Variants in TRERF1 observed in about 807,000 individuals in gnomAD.
TRERF1 encodes transcriptional-regulating factor 1.
In TRERF1, 27 loss-of-function variants were observed where a neutral mutation model predicts 122.9. The observed-to-expected ratio is 0.22, with a 90% CI of 0.16 to 0.30. The LOEUF is 0.30. Among genes scored for constraint, TRERF1 ranks in the 10% least tolerant of loss-of-function variants. The pLI, the probability that TRERF1 is intolerant of heterozygous loss-of-function variation, is 1.00. For synonymous variants in TRERF1, 636 were observed against 641.7 expected (o/e 0.99, Z 0.13); for missense variants, 1,248 against 1,560.3 (o/e 0.80, Z 3.37).
intron 3 of TRERF1, among the ~76,000 whole-genome samples, chr6:42,325,123 C>T (rs895635809): frequency 1.1e-4 from 16 of 152,284 alleles, no homozygotes; most frequent in Non-Finnish European, 2.1e-4. Flanking sequence ...CAAAGGAAGA[C>T]ATACAAGTGG....
At chr6:42,451,465 G>A (rs1209849763) in intron 1 of TRERF1, among the ~76,000 whole-genome samples, 2 of 151,354 alleles carry the variant, frequency 1.3e-5, no homozygotes, top group Non-Finnish European at 2.9e-5. Context: ...GGAAGCTTTG[G>A]GTTTCCAAAG....
In TRERF1 at chr6:42,311,156, G is replaced by A. The variant is rs182904434; in HGVS notation, c.-370-10407C>T. Among the ~76,000 whole-genome samples, 561 of 152,302 alleles carry A rather than the reference G, an allele frequency of 3.7e-3. 3 individuals carry two copies. The highest frequency in any genetic ancestry group is 0.012 in the African/African-American group (511 of 41,568). On this transcript the variant is annotated intron_variant, in intron 3 of 17. Coordinates refer to ENST00000372922, the Ensembl canonical transcript of TRERF1. ...TTTGTGGAGCAGATAGTCTAGTGGA[G>A]GAGAATAACAATATACAAGTAAGCA...
At chr6:42,445,648 C>T (rs1787381040) in intron 2 of TRERF1, among the ~76,000 whole-genome samples, 1 of 152,112 alleles carries the variant, frequency 6.6e-6, no homozygotes, top group Non-Finnish European at 1.5e-5. Flanking sequence ...TCTCAGGAAA[C>T]AGCACCACCA....
chr6:42,417,853 G>A (rs1460992144), intron 2 of TRERF1, among the ~76,000 whole-genome samples: 14 of 152,162 alleles, frequency 9.2e-5, no homozygotes, highest in Admixed American at 8.5e-4. Context: ...GGCTAGCTGC[G>A]CCAAGAACTC....
intron 2 of TRERF1, among the ~76,000 whole-genome samples, chr6:42,401,723 G>A (rs1029204956): frequency 1.1e-4 from 16 of 152,092 alleles, no homozygotes; most frequent in Admixed American, 2.6e-4. Context: ...GCCCAACCCC[G>A]CCCCACCTGC....
chr6:42,317,283 A>G (rs1762655115), intron 3 of TRERF1, among the ~76,000 whole-genome samples: 1 of 152,112 alleles, frequency 6.6e-6, no homozygotes, highest in African/African-American at 2.4e-5. Context: ...TTGTCTGTGC[A>G]GGAGGAAGGA....
chr6:42,415,427 T>C (rs1455064919), intron 2 of TRERF1, among the ~76,000 whole-genome samples: 2 of 152,218 alleles, frequency 1.3e-5, no homozygotes, highest in African/African-American at 4.8e-5. Flanking sequence ...TTATAGCTTC[T>C]GGGATTTGTG....
chr6:42,443,447 T>C (rs1299684009), intron 2 of TRERF1, among the ~76,000 whole-genome samples: 1 of 152,146 alleles, frequency 6.6e-6, no homozygotes. Flanking sequence ...AATGACTGCT[T>C]TTAGGTAGAT....
Position 42,268,097 on chromosome 6 carries a change from T to C in TRERF1, c.1437+57A>G. 1 of 1,392,182 alleles carries C rather than the reference T, an allele frequency of 7.2e-7. No homozygotes were observed. The highest frequency in any genetic ancestry group is 9.4e-7 in the Non-Finnish European group (1 of 1,068,782). The allele number at this position is 1,392,182 out of a possible 1,614,324, so 86.2% of individuals were successfully genotyped here. ...GGAGAGAGGATTGAGCACTGCAGACTCAGCCCTGACCCTGTAGCACACTGG... is the reference window on the plus strand; with the variant it reads ...GGAGAGAGGATTGAGCACTGCAGACCCAGCCCTGACCCTGTAGCACACTGG... On this transcript the variant is annotated intron_variant, in intron 5 of 17. Coordinates refer to ENST00000372922, the Ensembl canonical transcript of TRERF1. The surrounding 1 kb of genome is among the most constrained non-coding windows in gnomAD (Gnocchi z 4.4).
intron 2 of TRERF1, among the ~76,000 whole-genome samples, chr6:42,418,216 T>G (rs1431283343): frequency 6.9e-5 from 4 of 57,782 alleles, no homozygotes; most frequent in African/African-American, 2.1e-4. Flanking sequence ...TCTTTTTCTT[T>G]CCTTTTTTTT....
intron 2 of TRERF1, among the ~76,000 whole-genome samples, chr6:42,431,051 C>A (rs1582190090): frequency 6.9e-6 from 1 of 144,786 alleles, no homozygotes. Flanking sequence ...CAGAGCAAGA[C>A]TCAGTCTCAA....
chr6:42,425,357 A>G (rs442020), intron 2 of TRERF1, among the ~76,000 whole-genome samples: 2 of 148,130 alleles, frequency 1.4e-5, no homozygotes, highest in East Asian at 2.0e-4. Context: ...GACAGCCCCC[A>G]ACCAACCCCC....
chr6:42,441,872 G>T (rs953826253), intron 2 of TRERF1, among the ~76,000 whole-genome samples: 2 of 152,096 alleles, frequency 1.3e-5, no homozygotes, highest in African/African-American at 2.4e-5. Flanking sequence ...AAGGGCAGCA[G>T]GAGCCCAGGA....
At chr6:42,233,763 G>A (rs1771388804) in intron 16 of TRERF1, among the ~76,000 whole-genome samples, 1 of 152,160 alleles carries the variant, frequency 6.6e-6, no homozygotes, top group South Asian at 2.1e-4. Context: ...AATTGCGCCT[G>A]TTTGCTCAGC....
At chr6:42,274,189 C>T (rs1780746577) in intron 4 of TRERF1, among the ~76,000 whole-genome samples, 1 of 152,178 alleles carries the variant, frequency 6.6e-6, no homozygotes, top group South Asian at 2.1e-4. Context: ...GAAACTCAGG[C>T]TGTGGCTCAG....
At chr6:42,408,039 T>A (rs900213695) in intron 2 of TRERF1, among the ~76,000 whole-genome samples, 5 of 151,770 alleles carry the variant, frequency 3.3e-5, no homozygotes, top group Non-Finnish European at 7.4e-5. Flanking sequence ...CAGTTTATGA[T>A]CCAGGCTTCA....
chr6:42,283,121 CAACAACAAA>C (rs1190245232), intron 4 of TRERF1, among the ~76,000 whole-genome samples: 5 of 152,076 alleles, frequency 3.3e-5, no homozygotes, highest in South Asian at 4.1e-4. Context: ...ACAGTGAAAT[CAACAACAAA>C]AACAACAAAA....
At position 42,407,893 on chromosome 6, in the gene TRERF1, A is replaced by G. The variant is rs9394897; in HGVS notation, c.-454+43284T>C. On this transcript the variant is annotated intron_variant, in intron 2 of 17. Coordinates refer to ENST00000372922, the Ensembl canonical transcript of TRERF1. Reference sequence around the variant, plus strand: ...GTAAGCGATTCCATATTCTTGTCGCACTTAACTTTGCTCTGTCTATCTCGT... The same window carrying G: ...GTAAGCGATTCCATATTCTTGTCGCGCTTAACTTTGCTCTGTCTATCTCGT... 2.7e-3 allele frequency among the ~76,000 whole-genome samples: 412 copies of G among 151,370 alleles called. 14 individuals are homozygous for G. The East Asian group carries it at 0.075, about 27-fold the overall frequency.
chr6:42,257,096 G>T, exon 11 of TRERF1: 1 of 1,614,152 alleles, frequency 6.2e-7, no homozygotes, highest in Non-Finnish European at 8.5e-7. Flanking sequence ...AGCCAATGTT[G>T]ATGCGTCTTT....
Sources: gnomAD v4.1 joint callset for allele counts (sites outside exome capture counted in the v4.1 genomes callset) on GRCh38, gnomAD v4.1.1 for gene constraint, Gnocchi (gnomAD v3.1) non-coding constraint, MANE v1.5 for transcripts, NCBI Gene and HGNC (gene_info 2026-07-23, HGNC 2026-07-21) for gene names.